Variants in RFX3 observed in about 807,000 individuals in gnomAD.
The protein encoded by RFX3 is regulatory factor X3.
A neutral mutation model predicts 98.6 loss-of-function variants in RFX3; 14 were observed. The ratio of observed to expected loss-of-function variants is 0.14; its 90% CI spans 0.09 to 0.22. The LOEUF (loss-of-function observed/expected upper bound fraction) is 0.22. Ranked by LOEUF, RFX3 falls within the 10% of genes least tolerant of loss-of-function variation. RFX3 has a pLI of 1.00. For synonymous variants in RFX3, 383 were observed against 328.4 expected, an observed-to-expected ratio of 1.17 and a Z score of -1.80; for missense variants, 639 against 926.9, an observed-to-expected ratio of 0.69 and a Z score of 4.03.
chr9:3,513,970 C>A (rs1258368937), intron 1 of RFX3, among the ~76,000 whole-genome samples: 2 of 152,156 alleles, frequency 1.3e-5, no homozygotes, highest in African/African-American at 4.8e-5. Context: ...ATAAGGAGAT[C>A]AAATGTTGAT....
chr9:3,493,696 A>AT (rs1554724834), intron 1 of RFX3, among the ~76,000 whole-genome samples: 9 of 123,388 alleles, frequency 7.3e-5, no homozygotes, highest in African/African-American at 3.4e-4. Flanking sequence ...AAAAAAAAAA[A>AT]AAAAATATAT....
intron 4 of RFX3, among the ~76,000 whole-genome samples, chr9:3,304,293 C>T (rs994304184): frequency 1.3e-5 from 2 of 151,904 alleles, no homozygotes; most frequent in Non-Finnish European, 2.9e-5. Context: ...AGGATCATAG[C>T]CCTGATTACA....
chr9:3,234,565 G>C (rs1260141574), intron 15 of RFX3, among the ~76,000 whole-genome samples: 1 of 152,126 alleles, frequency 6.6e-6, no homozygotes, highest in African/African-American at 2.4e-5. Flanking sequence ...CACCGTCCAA[G>C]GTGGTCGAGG....
intron 1 of RFX3, among the ~76,000 whole-genome samples, chr9:3,406,360 A>T (rs1202046631): frequency 6.6e-6 from 1 of 151,780 alleles, no homozygotes; most frequent in Admixed American, 6.6e-5. Context: ...TCTCAGGAGA[A>T]ATCCTACTTT....
At chr9:3,245,830 G>A (rs943820597) in intron 15 of RFX3, among the ~76,000 whole-genome samples, 4 of 152,084 alleles carry the variant, frequency 2.6e-5, no homozygotes, top group Admixed American at 6.6e-5. Flanking sequence ...AATGGATTTT[G>A]GCCTGATGTG....
At chr9:3,258,788 T>C (rs1285775336) in intron 13 of RFX3, among the ~76,000 whole-genome samples, 4 of 151,712 alleles carry the variant, frequency 2.6e-5, no homozygotes, top group South Asian at 2.1e-4. Flanking sequence ...ATAGAAATAA[T>C]TTATGCATAT....
intron 15 of RFX3, among the ~76,000 whole-genome samples, chr9:3,243,873 A>G (rs958280112): frequency 6.6e-6 from 1 of 152,224 alleles, no homozygotes; most frequent in Non-Finnish European, 1.5e-5. Context: ...AGCATGGCAG[A>G]TTAACAGCAA....
intron 2 of RFX3, chr9:3,364,669 T>C (rs16917432): frequency 0.045 from 7,160 of 158,266 alleles, 494 homozygotes; most frequent in African/African-American, 0.14. Flanking sequence ...ACCACGCTTG[T>C]AGATTTGTTC....
At chr9:3,308,867 T>C (rs2130371159) in intron 4 of RFX3, among the ~76,000 whole-genome samples, 1 of 152,136 alleles carries the variant, frequency 6.6e-6, no homozygotes, top group East Asian at 1.9e-4. Flanking sequence ...AACTGGAGAA[T>C]TACAGCAAAT....
chr9:3,355,005 T>C (rs1021462643), intron 2 of RFX3, among the ~76,000 whole-genome samples: 1 of 151,878 alleles, frequency 6.6e-6, no homozygotes, highest in Non-Finnish European at 1.5e-5. Flanking sequence ...TACTCTTTTA[T>C]AATATTCATA....
intron 7 of RFX3, among the ~76,000 whole-genome samples, chr9:3,285,632 T>G (rs1044500994): frequency 3.3e-5 from 5 of 151,704 alleles, no homozygotes; most frequent in Non-Finnish European, 7.4e-5. Flanking sequence ...TGCAATCAGT[T>G]AGCAAGACAT....
In RFX3 at chr9:3,224,927, A is replaced by G. The variant is rs1817599846; in HGVS notation, c.*115T>C. The stretch of plus-strand genomic sequence containing the variant: ...TCCATTTCACAACTCCAAAAAGTTA[A>G]TGTTCAGCACAGATAGAATTTGACA... On this transcript the variant is annotated 3_prime_UTR_variant, in exon 17 of 17. Transcript: ENST00000617270. The G allele has an allele frequency of 9.6e-7, 1 of 1,038,526 alleles. No homozygotes were observed. Among genetic ancestry groups the G allele is most frequent in the Non-Finnish European group, 1.4e-6 (1 of 706,380 alleles). 64.3% of individuals were successfully genotyped at this position (1,038,526 alleles called of 1,614,324 possible). A position where few individuals can be genotyped will look rare whatever the true frequency, so the allele number is the denominator to read the frequency against.
intron 1 of RFX3, among the ~76,000 whole-genome samples, chr9:3,432,426 T>C (rs558172330): frequency 6.6e-6 from 1 of 152,262 alleles, no homozygotes; most frequent in East Asian, 1.9e-4. Context: ...GATTACACCA[T>C]TGAAGAGACC....
chr9:3,225,360 T>A, intron 16 of RFX3, 80 bp from the exon 17 acceptor site: 1 of 1,563,728 alleles, frequency 6.4e-7, no homozygotes, highest in South Asian at 1.2e-5. Context: ...AGAAACACTT[T>A]AATATAGGAC....
intron 2 of RFX3, among the ~76,000 whole-genome samples, chr9:3,387,406 G>A (rs147714982): frequency 1.6e-3 from 247 of 152,098 alleles, no homozygotes; most frequent in African/African-American, 5.7e-3. Context: ...GAGAATCAAA[G>A]CATACTATTA....
At chr9:3,486,178 G>T (rs1180333754) in intron 1 of RFX3, among the ~76,000 whole-genome samples, 2 of 141,118 alleles carry the variant, frequency 1.4e-5, no homozygotes, top group Non-Finnish European at 3.1e-5. Flanking sequence ...TTATTTAGAT[G>T]AATTACTAAC....
chr9:3,235,332 C>G (rs891765641), intron 15 of RFX3, among the ~76,000 whole-genome samples: 3 of 151,972 alleles, frequency 2.0e-5, no homozygotes, highest in Non-Finnish European at 4.4e-5. Flanking sequence ...AAGGACAGTA[C>G]GATGTGTGGC....
chr9:3,300,209 A>G (rs527955400), intron 5 of RFX3, among the ~76,000 whole-genome samples: 21 of 151,948 alleles, frequency 1.4e-4, no homozygotes, highest in Admixed American at 9.2e-4. Context: ...AAAGAGTGAC[A>G]TACTAAATAC....
rs575889246 is a variant in RFX3 at position 3,472,064 on chromosome 9, C to T, written c.-9+53683G>A. On this transcript the variant is annotated intron_variant, in intron 1 of 16. Coordinates refer to ENST00000617270, the MANE Select transcript of RFX3 (RefSeq NM_001282116.2). ...TGGACTTTATCAGTCTTAGGGCAGG[C>T]AATTTATTTTGAGCCAGAAAAATAA... Among the ~76,000 whole-genome samples, 3 of 152,098 alleles carry T rather than the reference C, an allele frequency of 2.0e-5. No homozygotes were observed. In the South Asian group the frequency reaches 6.2e-4, roughly 32 times the overall value.
Sources: allele counts gnomAD v4.1 joint callset (sites outside exome capture counted in the v4.1 genomes callset), GRCh38; gene constraint gnomAD v4.1.1; transcripts MANE v1.5; gene names NCBI Gene and HGNC (gene_info 2026-07-23, HGNC 2026-07-21).